The following NMT1 variants were observed in gnomAD, a reference collection of about 807,000 sequenced individuals.
The protein encoded by NMT1 is N-myristoyltransferase 1.
In NMT1, 12 loss-of-function variants were observed where a neutral mutation model predicts 63.4. The ratio of observed to expected loss-of-function variants is 0.19; its 90% CI spans 0.12 to 0.31. NMT1 has a LOEUF of 0.31. NMT1 is among the 10% of genes least tolerant of loss of function. NMT1 has a pLI of 1.00. For synonymous variants in NMT1, 228 were observed against 234.3 expected (o/e 0.97, Z 0.25); for missense variants, 432 against 634.6 (o/e 0.68, Z 3.43).
intron 3 of NMT1, among the ~76,000 whole-genome samples, chr17:45,088,211 C>A (rs921896288): frequency 6.6e-6 from 1 of 152,120 alleles, no homozygotes; most frequent in Non-Finnish European, 1.5e-5. Context: ...GCTAAGCCCT[C>A]CAGCAAGGCT....
intron 2 of NMT1, 72 bp from the exon 3 acceptor site, chr17:45,086,436 T>C: frequency 6.7e-7 from 1 of 1,489,152 alleles, no homozygotes; most frequent in African/African-American, 1.4e-5. Flanking sequence ...CCCTTAACTC[T>C]TGAACTCATA....
intron 7 of NMT1, 147 bp from the exon 8 acceptor site, chr17:45,099,258 G>GGCTGGAGAGCAGGGTGAC (rs1697662154): frequency 1.6e-6 from 1 of 635,262 alleles, no homozygotes; most frequent in South Asian, 1.9e-5. Context: ...GGGAGGGGGA[G>GGCTGGAGAGCAGGGTGAC]GCTGGAGAGC....
At position 45,061,417 on chromosome 17, in the gene NMT1, T is replaced by C; in HGVS notation, c.88T>C (p.Cys30Arg). The change falls in exon 1 of 12, where the codon TGC becomes CGC. Residue 30 changes from cysteine to arginine, a missense_variant. Cys to Arg is a radical substitution (Grantham distance 180, BLOSUM62 -3). Around this residue, in one of 4 missense-constraint regions of NMT1, gnomAD observed 121 missense variants for 103.7 expected, o/e 1.17. Coordinates refer to ENST00000258960, the MANE Select transcript of NMT1 (RefSeq NM_021079.5). Reference protein sequence around the residue: ...MEGNGNGHEHCSDCENEEDNS... With the variant: ...MEGNGNGHEHRSDCENEEDNS... ...AGGGAACGGGAACGGCCATGAGCAC[T>C]GCAGCGATTGCGAGAATGAGGAGGA... 2 of 1,613,916 alleles carry C rather than the reference T, an allele frequency of 1.2e-6. No homozygotes were observed. Among genetic ancestry groups the C allele is most frequent in the African/African-American group, 1.3e-5 (1 of 75,036 alleles).
At chr17:45,100,862 C>CAAAAAAAAAAAAAAAAA (rs71136069) in intron 8 of NMT1, among the ~76,000 whole-genome samples, 2 of 32,604 alleles carry the variant, frequency 6.1e-5, no homozygotes, top group Non-Finnish European at 1.0e-4. Flanking sequence ...GACTCCGTCT[C>CAAAAAAAAAAAAAAAAA]AAAAAAAAAA....
intron 7 of NMT1, 32 bp downstream of exon 7, chr17:45,098,584 T>G: frequency 1.2e-6 from 2 of 1,602,330 alleles, no homozygotes; most frequent in Non-Finnish European, 1.7e-6. Flanking sequence ...GCCCCAAAAA[T>G]GCGGGTGTCT....
chr17:45,078,221 G>A (rs1230797012), intron 1 of NMT1, among the ~76,000 whole-genome samples: 1 of 152,148 alleles, frequency 6.6e-6, no homozygotes, highest in African/African-American at 2.4e-5. Context: ...AGAAGCCGCT[G>A]TTACTCTAGG....
chr17:45,090,570 C>T (rs898607693), intron 3 of NMT1, among the ~76,000 whole-genome samples: 1 of 152,162 alleles, frequency 6.6e-6, no homozygotes, highest in African/African-American at 2.4e-5. Flanking sequence ...AGCTTCCCCT[C>T]TCTTTTTCCT....
intron 4 of NMT1, among the ~76,000 whole-genome samples, chr17:45,094,424 G>C (rs961252083): frequency 1.3e-5 from 2 of 151,178 alleles, no homozygotes; most frequent in African/African-American, 4.9e-5. Flanking sequence ...ACCTGGGAGG[G>C]GGATGTTGTA....
intron 1 of NMT1, among the ~76,000 whole-genome samples, chr17:45,064,654 C>T (rs2053890210): frequency 6.6e-6 from 1 of 152,176 alleles, no homozygotes; most frequent in South Asian, 2.1e-4. Context: ...GAAACCTCAT[C>T]TCTACTAAAA....
chr17:45,094,259 C>T (rs1228986817), intron 4 of NMT1, among the ~76,000 whole-genome samples: 1 of 151,896 alleles, frequency 6.6e-6, no homozygotes, highest in Non-Finnish European at 1.5e-5. Context: ...TTTTGGGAGG[C>T]TGAGGCAGGC....
chr17:45,104,470 G>T lies in NMT1; in HGVS notation c.1333-389G>T. 9.1e-7 allele frequency: 1 copy of T among 1,095,316 alleles called. No individual in the cohort carries two copies. Among genetic ancestry groups the T allele is most frequent in the Non-Finnish European group, 1.1e-6 (1 of 896,784 alleles). The allele number at this position is 1,095,316 out of a possible 1,614,324, so 67.8% of individuals were successfully genotyped here. ...GGGCCTGAGAGTTGGGGCATCCATG[G>T]AGTAAGGAAGCAACACAAACCCCAT... On this transcript the variant is annotated intron_variant, in intron 10 of 11. Coordinates refer to ENST00000258960, the MANE Select transcript of NMT1 (RefSeq NM_021079.5). This position sits in a 1 kb window ranked among gnomAD's most constrained non-coding sequence, Gnocchi z 4.2.
chr17:45,064,354 A>G (rs2053887938), intron 1 of NMT1, among the ~76,000 whole-genome samples: 1 of 152,194 alleles, frequency 6.6e-6, no homozygotes, highest in South Asian at 2.1e-4. Context: ...TGGAGGTAGT[A>G]GGTGAAAAAC....
At chr17:45,101,896 T>G (rs1227345976) in intron 8 of NMT1, among the ~76,000 whole-genome samples, 1 of 152,176 alleles carries the variant, frequency 6.6e-6, no homozygotes, top group Non-Finnish European at 1.5e-5. Flanking sequence ...ATGTGTCTTC[T>G]CCCTTCTGTT....
intron 1 of NMT1, among the ~76,000 whole-genome samples, chr17:45,067,961 G>T (rs1424329538): frequency 6.6e-6 from 1 of 152,132 alleles, no homozygotes; most frequent in Admixed American, 6.5e-5. Context: ...TACTAAGTTG[G>T]CAGTTAACCC....
At chr17:45,079,931 C>T (rs1004111473) in intron 1 of NMT1, among the ~76,000 whole-genome samples, 1 of 152,176 alleles carries the variant, frequency 6.6e-6, no homozygotes, top group Admixed American at 6.5e-5. Flanking sequence ...ATCTCCTGAC[C>T]TAGTGATCCG....
At chr17:45,083,937 G>A (rs532152939) in intron 2 of NMT1, among the ~76,000 whole-genome samples, 2 of 152,162 alleles carry the variant, frequency 1.3e-5, no homozygotes, top group African/African-American at 4.8e-5. Context: ...AACTGCAAGG[G>A]GAAGAAAATT....
In NMT1 at chr17:45,105,836, G is replaced by T. The variant is rs566098238; in HGVS notation, c.*197G>T. ...GGGCTGCGTGACGTCACCTCCGGTC[G>T]TGTCTCTGGTCTCCGTGTTTTCCAG... On this transcript the variant is annotated 3_prime_UTR_variant, in exon 12 of 12. Coordinates refer to ENST00000258960, the MANE Select transcript of NMT1 (RefSeq NM_021079.5). The surrounding 1 kb of genome is among the most constrained non-coding windows in gnomAD (Gnocchi z 4.2). The T allele has an allele frequency of 1.8e-6, 1 of 564,038 alleles. No individual in the cohort carries two copies. Among genetic ancestry groups the T allele is most frequent in the African/African-American group, 1.9e-5 (1 of 51,898 alleles). 34.9% of individuals were successfully genotyped at this position (564,038 alleles called of 1,614,324 possible). A position where few individuals can be genotyped will look rare whatever the true frequency, so the allele number is the denominator to read the frequency against.
At chr17:45,096,680 T>C (rs1459315433) in intron 5 of NMT1, among the ~76,000 whole-genome samples, 1 of 152,154 alleles carries the variant, frequency 6.6e-6, no homozygotes, top group Non-Finnish European at 1.5e-5. Context: ...CCACGTTTAA[T>C]ATCCAGGAAG....
intron 1 of NMT1, among the ~76,000 whole-genome samples, chr17:45,078,915 T>G (rs942509423): frequency 6.6e-6 from 1 of 151,806 alleles, no homozygotes; most frequent in Non-Finnish European, 1.5e-5. Context: ...CGCCTGCCTT[T>G]TCCTCCCAAA....
Sources: gnomAD v4.1 joint callset for allele counts (sites outside exome capture counted in the v4.1 genomes callset) on GRCh38, gnomAD v4.1.1 for gene constraint, gnomAD v4.1.1 regional missense constraint, Gnocchi (gnomAD v3.1) non-coding constraint, MANE v1.5 for transcripts, NCBI Gene and HGNC (gene_info 2026-07-23, HGNC 2026-07-21) for gene names.